Variants in ATP6V0A4 observed in about 807,000 individuals in gnomAD.
The protein encoded by ATP6V0A4 is V-type proton ATPase 116 kDa subunit a 4.
ATP6V0A4 carries 86 observed loss-of-function variants against 107.3 expected under a neutral mutation model. The observed-to-expected ratio is 0.80, with a 90% confidence interval of 0.67 to 0.96. ATP6V0A4 has a LOEUF of 0.96. Ranked by LOEUF, ATP6V0A4 falls within the 40% of genes least tolerant of loss-of-function variation. ATP6V0A4 has a pLI of 0.00. For missense variants in ATP6V0A4, 908 were observed against 1,045.6 expected (o/e 0.87, Z 1.81); for synonymous variants, 353 against 381.4 (o/e 0.93, Z 0.87).
chr7:138,729,024 T>C, intron 17 of ATP6V0A4, 162 bp from the exon 18 acceptor site: 1 of 879,790 alleles, frequency 1.1e-6, no homozygotes, highest in Non-Finnish European at 1.4e-6. Flanking sequence ...AATATTCCCC[T>C]TGCAGATAGA....
chr7:138,783,295 G>A (rs1045716984), intron 2 of ATP6V0A4, among the ~76,000 whole-genome samples: 6 of 152,054 alleles, frequency 3.9e-5, no homozygotes, highest in South Asian at 2.1e-4. Context: ...CCATGGCTGC[G>A]TACGGTGGCT....
Position 138,754,230 on chromosome 7 carries a change from C to T in ATP6V0A4, c.817-1393G>A, listed in dbSNP as rs140775929. 2.6e-5 allele frequency among the ~76,000 whole-genome samples: 4 copies of T among 152,096 alleles called. No homozygotes were observed. The East Asian group carries it at 7.8e-4, about 30-fold the overall frequency. On this transcript the variant is annotated intron_variant, in intron 10 of 21. Transcript: ENST00000310018. ...TTGGGAGGATGAGGTGGGTGGATCA[C>T]CTGAGGTCGGGAGTTCGAGACCAGC...
At chr7:138,770,065 A>AC (rs567490610) in intron 3 of ATP6V0A4, among the ~76,000 whole-genome samples, 98 of 152,274 alleles carry the variant, frequency 6.4e-4, no homozygotes, top group African/African-American at 2.3e-3. Flanking sequence ...AACAACAACA[A>AC]AAAAAATTGG....
rs1202969668 is a variant in ATP6V0A4, at chr7:138,792,766, G to GTTTTTT, written c.-121+5262_-121+5267dup. 4.4e-3 allele frequency among the ~76,000 whole-genome samples: 302 copies of GTTTTTT among 68,556 alleles called. 14 individuals carry two copies. The highest frequency in any genetic ancestry group is 0.012 in the East Asian group (29 of 2,402). The allele number at this position is 68,556 out of a possible 152,430, so 45.0% of individuals were successfully genotyped here. ...GGCTTGCATCACCAAACTCAGGTTT[G>GTTTTTT]TTTTTTTTTTTGTTGTTTTGTTTTT... On this transcript the variant is annotated intron_variant, in intron 1 of 21. Coordinates refer to ENST00000310018, the MANE Select transcript of ATP6V0A4 (RefSeq NM_020632.3).
rs1391859353 is a variant in ATP6V0A4, at chr7:138,798,178, G to C, written c.-265C>G. The C allele has an allele frequency of 6.3e-7, 1 of 1,592,970 alleles. No homozygotes were observed. The highest frequency in any genetic ancestry group is 1.3e-5 in the African/African-American group (1 of 74,546). ...GCCTTTGCCTCCCTCCACTCGGCTT[G>C]CTCGGCAGGTAGCGTTATGAGCTTT... On this transcript the variant is annotated 5_prime_UTR_variant, in exon 1 of 22. Coordinates refer to ENST00000310018, the MANE Select transcript of ATP6V0A4 (RefSeq NM_020632.3).
At chr7:138,776,878 GGCTCACGC>G (rs1807683047) in intron 2 of ATP6V0A4, among the ~76,000 whole-genome samples, 2 of 152,192 alleles carry the variant, frequency 1.3e-5, no homozygotes, top group African/African-American at 4.8e-5. Flanking sequence ...TGGACGCGGT[GGCTCACGC>G]CTGTAATCCC....
intron 19 of ATP6V0A4, among the ~76,000 whole-genome samples, chr7:138,720,121 A>G (rs754704528): frequency 1.3e-5 from 2 of 152,010 alleles, no homozygotes; most frequent in Admixed American, 1.3e-4. Context: ...GCGAATGTAT[A>G]GTCAGCTTGC....
intron 3 of ATP6V0A4, among the ~76,000 whole-genome samples, chr7:138,769,876 G>T (rs567595347): frequency 1.3e-5 from 2 of 152,166 alleles, no homozygotes; most frequent in South Asian, 4.1e-4. Flanking sequence ...CCAGGAGTTC[G>T]AGACCAACCT....
At chr7:138,765,774 GAGA>G (rs1807057205) in intron 5 of ATP6V0A4, among the ~76,000 whole-genome samples, 1 of 144,496 alleles carries the variant, frequency 6.9e-6, no homozygotes, top group South Asian at 2.2e-4. Context: ...TTGTTTTTGA[GAGA>G]AGGTCTCACT....
rs1386935060 is a variant in ATP6V0A4, at chr7:138,759,632, A to G, written c.639+120T>C. 3 of 1,111,344 alleles carry G rather than the reference A, an allele frequency of 2.7e-6. No individual in the cohort carries two copies. In the African/African-American group the frequency reaches 4.7e-5, roughly 17 times the overall value. The allele number at this position is 1,111,344 out of a possible 1,614,324, so 68.8% of individuals were successfully genotyped here. ...AAAGGGAAGGAAAAAAAGGAGAAAAAAAGGAAATAGATATTAGTCTCATCA... is the reference window on the plus strand; with the variant it reads ...AAAGGGAAGGAAAAAAAGGAGAAAAGAAGGAAATAGATATTAGTCTCATCA... On this transcript the variant is annotated intron_variant, in intron 8 of 21. Coordinates refer to ENST00000310018, the MANE Select transcript of ATP6V0A4 (RefSeq NM_020632.3).
chr7:138,744,238 CT>C (rs71169054), intron 14 of ATP6V0A4, among the ~76,000 whole-genome samples: 49,647 of 128,546 alleles, frequency 0.39, 10,486 homozygotes, highest in East Asian at 0.71. Context: ...TCCTCATCTG[CT>C]TTTTTTTTTT....
chr7:138,724,442 G>C (rs1309430917), intron 18 of ATP6V0A4, among the ~76,000 whole-genome samples: 1 of 152,112 alleles, frequency 6.6e-6, no homozygotes, highest in Non-Finnish European at 1.5e-5. Context: ...ACAGACAGCT[G>C]CCCCTTGGCC....
At position 138,747,572 on chromosome 7, in the gene ATP6V0A4, G is replaced by C. The variant is rs936735537; in HGVS notation, c.1181-8C>G. 6.2e-7 allele frequency: 1 copy of C among 1,613,838 alleles called. No individual in the cohort carries two copies. Among genetic ancestry groups the C allele is most frequent in the Admixed American group, 1.7e-5 (1 of 59,992 alleles). On this transcript the variant is annotated splice_polypyrimidine_tract_variant and splice_region_variant and intron_variant, in intron 12 of 21. Transcript: ENST00000310018. ...TGATGATGGTGTAGGGGGCTGCGGA[G>C]GGGAGACACACAACGCCTGAGGCCT...
chr7:138,767,460 T>A (rs566482780), intron 5 of ATP6V0A4, among the ~76,000 whole-genome samples: 1 of 151,448 alleles, frequency 6.6e-6, no homozygotes, highest in East Asian at 2.0e-4. Context: ...GAGGCAGAGG[T>A]TGCAGTGAGC....
At chr7:138,747,903 T>C (rs1490208081) in intron 12 of ATP6V0A4, among the ~76,000 whole-genome samples, 1 of 152,062 alleles carries the variant, frequency 6.6e-6, no homozygotes, top group Non-Finnish European at 1.5e-5. Flanking sequence ...TACAGATGTG[T>C]GCCACCATGC....
chr7:138,768,907 G>T, intron 4 of ATP6V0A4, 33 bp from the exon 5 acceptor site: 1 of 1,613,170 alleles, frequency 6.2e-7, no homozygotes, highest in Non-Finnish European at 8.5e-7. Context: ...AAACCCCAAG[G>T]TGATTGTGTT....
chr7:138,707,068 A>ATGTGTGTGTGTGTG (rs10669320), intron 21 of ATP6V0A4, among the ~76,000 whole-genome samples: 1,563 of 90,060 alleles, frequency 0.017, 41 homozygotes, highest in Middle Eastern at 0.045. Context: ...GCTAATTTAT[A>ATGTGTGTGTGTGTG]TGTGTGTGTG....
At chr7:138,707,553 C>A (rs113228116) in intron 21 of ATP6V0A4, among the ~76,000 whole-genome samples, 2 of 148,922 alleles carry the variant, frequency 1.3e-5, no homozygotes, top group Non-Finnish European at 3.0e-5. Context: ...AGATGCCCAC[C>A]ACCATGCCCA....
intron 15 of ATP6V0A4, among the ~76,000 whole-genome samples, chr7:138,736,601 T>C (rs1283884971): frequency 6.6e-6 from 1 of 152,118 alleles, no homozygotes; most frequent in Non-Finnish European, 1.5e-5. Flanking sequence ...AGACAGAGTC[T>C]CGCTCTGTTG....
Sources: gnomAD v4.1 joint callset for allele counts (sites outside exome capture counted in the v4.1 genomes callset) on GRCh38, gnomAD v4.1.1 for gene constraint, MANE v1.5 for transcripts, NCBI Gene and HGNC (gene_info 2026-07-23, HGNC 2026-07-21) for gene names.